VPS13A: variants seen among roughly 807,000 people sequenced by gnomAD.
The protein encoded by VPS13A is intermembrane lipid transfer protein VPS13A.
In VPS13A, 264 loss-of-function variants were observed where a neutral mutation model predicts 390.9. The observed-to-expected ratio is 0.68, with a 90% CI of 0.61 to 0.75. The LOEUF (loss-of-function observed/expected upper bound fraction) is 0.75. Ranked by LOEUF, VPS13A falls within the 30% of genes least tolerant of loss-of-function variation. The probability of loss-of-function intolerance (pLI) is 0.00; values close to 1 mark genes in which losing one functional copy is unlikely to be tolerated. For missense variants in VPS13A, 3,409 were observed against 3,733.9 expected, an observed-to-expected ratio of 0.91 and a Z score of 2.27; for synonymous variants, 1,231 against 1,227.1, an observed-to-expected ratio of 1.00 and a Z score of -0.07.
At chr9:77,235,675 A>G (rs1474369067) in intron 17 of VPS13A, among the ~76,000 whole-genome samples, 1 of 151,998 alleles carries the variant, frequency 6.6e-6, no homozygotes, top group Non-Finnish European at 1.5e-5. Flanking sequence ...CCCGTAGTGC[A>G]TATGTTGTTC....
At chr9:77,255,020 A>T (rs1013841893) in intron 22 of VPS13A, among the ~76,000 whole-genome samples, 16 of 152,044 alleles carry the variant, frequency 1.1e-4, no homozygotes, top group Non-Finnish European at 2.2e-4. Context: ...AGAATTTTTT[A>T]GCACTCTCTT....
At chr9:77,201,744 A>G (rs779603623) in intron 3 of VPS13A, among the ~76,000 whole-genome samples, 2 of 152,122 alleles carry the variant, frequency 1.3e-5, no homozygotes, top group Non-Finnish European at 2.9e-5. Flanking sequence ...CATTGGATAT[A>G]TTGTGTAAAG....
intron 4 of VPS13A, among the ~76,000 whole-genome samples, chr9:77,205,744 A>G (rs974832159): frequency 2.0e-5 from 3 of 152,002 alleles, no homozygotes; most frequent in African/African-American, 7.2e-5. Context: ...GGCGCCTGCC[A>G]CCACGCCCAG....
chr9:77,191,295 CTTT>C (rs200313087), intron 1 of VPS13A, among the ~76,000 whole-genome samples: 11 of 134,520 alleles, frequency 8.2e-5, no homozygotes, highest in Non-Finnish European at 1.4e-4. Flanking sequence ...TTTTCTTCTT[CTTT>C]TTTTTTTTTT....
At chr9:77,192,604 A>C (rs770082852) in intron 1 of VPS13A, among the ~76,000 whole-genome samples, 1 of 152,118 alleles carries the variant, frequency 6.6e-6, no homozygotes, top group Non-Finnish European at 1.5e-5. Flanking sequence ...TATGAAGTTT[A>C]GTTTGGTTAG....
chr9:77,408,516 A>G (rs1350635606), intron 71 of VPS13A, among the ~76,000 whole-genome samples: 1 of 152,226 alleles, frequency 6.6e-6, no homozygotes, highest in African/African-American at 2.4e-5. Flanking sequence ...AGGAAGTGCA[A>G]GGGGTCAGGG....
chr9:77,279,476 T>A (rs1207769005), intron 26 of VPS13A, among the ~76,000 whole-genome samples: 1 of 152,048 alleles, frequency 6.6e-6, no homozygotes, highest in Non-Finnish European at 1.5e-5. Context: ...CTGTGCCCAC[T>A]AAGGCCTTGG....
At chr9:77,214,456 C>T in intron 10 of VPS13A, 70 bp downstream of exon 10, 1 of 1,266,368 alleles carries the variant, frequency 7.9e-7, no homozygotes, top group South Asian at 1.2e-5. Context: ...AGCATTGTTG[C>T]TATCACTGTG....
At chr9:77,384,661 A>G in intron 68 of VPS13A, 1 of 1,605,706 alleles carries the variant, frequency 6.2e-7, no homozygotes, top group Non-Finnish European at 8.5e-7. Context: ...GATGATGATG[A>G]TGAGTCAGAT....
At chr9:77,391,085 A>G (rs988712958) in intron 68 of VPS13A, among the ~76,000 whole-genome samples, 2 of 151,412 alleles carry the variant, frequency 1.3e-5, no homozygotes, top group African/African-American at 4.9e-5. Context: ...AAAGTGCAGT[A>G]AGTATTAGCT....
chr9:77,380,042 A>G (rs1444308384), intron 67 of VPS13A, among the ~76,000 whole-genome samples: 1 of 151,946 alleles, frequency 6.6e-6, no homozygotes, highest in African/African-American at 2.4e-5. Context: ...TTAGCTGCTT[A>G]TATGTTTATA....
intron 10 of VPS13A, among the ~76,000 whole-genome samples, chr9:77,216,768 T>C (rs933638544): frequency 1.3e-5 from 2 of 152,208 alleles, no homozygotes; most frequent in African/African-American, 4.8e-5. Context: ...ATAGGCCATC[T>C]GCAAGCTGAG....
At chr9:77,196,924 GT>G (rs1233028854) in intron 1 of VPS13A, among the ~76,000 whole-genome samples, 2 of 152,072 alleles carry the variant, frequency 1.3e-5, no homozygotes, top group Non-Finnish European at 2.9e-5. Flanking sequence ...TCCATAGTGT[GT>G]TTTATAATGG....
intron 3 of VPS13A, 30 bp downstream of exon 3, chr9:77,201,437 C>G (rs1259264358): frequency 4.5e-6 from 7 of 1,560,512 alleles, no homozygotes; most frequent in African/African-American, 1.4e-5. Context: ...GGGATATCCT[C>G]CTTCCTGGAC....
At position 77,388,268 on chromosome 9, in the gene VPS13A, G is replaced by C. The variant is rs141691297; in HGVS notation, c.9189+6181G>C. Among the ~76,000 whole-genome samples, 874 of 152,244 alleles carry C rather than the reference G, an allele frequency of 5.7e-3. 11 individuals are homozygous for C. The highest frequency in any genetic ancestry group is 0.02 in the African/African-American group (844 of 41,574). ...ATCATTAATATTAGTGAGTGAATTT[G>C]TGAGTTCATAAAGTACAGTGAGTAC... On this transcript the variant is annotated intron_variant, in intron 68 of 71. Transcript: ENST00000360280.
In VPS13A at chr9:77,314,034, G is replaced by A. The variant is rs758635064; in HGVS notation, c.4157G>A (p.Arg1386His). The A allele has an allele frequency of 1.7e-5, 27 of 1,613,138 alleles. No individual in the cohort carries two copies. The highest frequency in any genetic ancestry group is 3.3e-5 in the South Asian group (3 of 91,028). Residue 1386 changes from arginine to histidine, a missense_variant, in exon 36 of 72, where the codon CGT becomes CAT. Coordinates refer to ENST00000360280, the MANE Select transcript of VPS13A (RefSeq NM_033305.3). ...VTAAVVEVHS[R>H]ALLVKTTLNI... is the part of the protein sequence containing the mutation. ...GCTGCTGTGGTAGAAGTACATTCAC[G>A]TGCCTTACTAGTTAAGACAACACTA...
chr9:77,214,947 G>T (rs1822770855), intron 10 of VPS13A, among the ~76,000 whole-genome samples: 1 of 152,162 alleles, frequency 6.6e-6, no homozygotes, highest in African/African-American at 2.4e-5. Flanking sequence ...TCGTATTTTA[G>T]TAGAGACGGG....
At chr9:77,404,146 AAAGT>A (rs1311549242) in intron 69 of VPS13A, among the ~76,000 whole-genome samples, 1 of 152,154 alleles carries the variant, frequency 6.6e-6, no homozygotes, top group Non-Finnish European at 1.5e-5. Flanking sequence ...ATACCTGTAA[AAAGT>A]AAGTCTTCAT....
chr9:77,214,201 A>G (rs1822710585), intron 9 of VPS13A, 128 bp from the exon 10 acceptor site: 15 of 774,660 alleles, frequency 1.9e-5, no homozygotes, highest in South Asian at 1.7e-4. Flanking sequence ...GCATGAGTCC[A>G]TGAGACAGGG....
Sources: allele counts gnomAD v4.1 joint callset (sites outside exome capture counted in the v4.1 genomes callset), GRCh38; gene constraint gnomAD v4.1.1; transcripts MANE v1.5; gene names NCBI Gene and HGNC (gene_info 2026-07-23, HGNC 2026-07-21).